The following TRAF3IP1 variants were observed in gnomAD, a reference collection of about 807,000 sequenced individuals.
The protein encoded by TRAF3IP1 is intraflagellar transport 54, also known as TRAF3-interacting protein 1.
Under a neutral mutation model 89.9 loss-of-function variants are expected in TRAF3IP1, and 53 were observed. That is an observed-to-expected ratio of 0.59 (90% CI 0.47 to 0.74). TRAF3IP1 has a LOEUF of 0.74. Ranked by LOEUF, TRAF3IP1 falls within the 30% of genes least tolerant of loss-of-function variation. TRAF3IP1 has a pLI of 0.00. For missense variants in TRAF3IP1, 806 were observed against 866.1 expected, an observed-to-expected ratio of 0.93 and a Z score of 0.87; for synonymous variants, 311 against 322.1, an observed-to-expected ratio of 0.97 and a Z score of 0.37.
chr2:238,377,572 ATAT>A (rs747773377), intron 15 of TRAF3IP1, among the ~76,000 whole-genome samples: 1 of 152,112 alleles, frequency 6.6e-6, no homozygotes, highest in African/African-American at 2.4e-5. Context: ...CAATTATGGT[ATAT>A]TATTATTATT....
chr2:238,394,836 G>A (rs1701139938), intron 15 of TRAF3IP1, among the ~76,000 whole-genome samples: 1 of 152,174 alleles, frequency 6.6e-6, no homozygotes, highest in African/African-American at 2.4e-5. Flanking sequence ...AAATTCTTAG[G>A]CAGAGCTTAT....
chr2:238,332,112 G>A lies in TRAF3IP1; in HGVS notation c.916-712G>A, dbSNP rs1440622282. On this transcript the variant is annotated intron_variant, in intron 5 of 16. Transcript: ENST00000373327. ...TGCAGTGCCCAGCTTGCAGTCATGG[G>A]TAATTACTGCTGATACAATCTGATA... Among the ~76,000 whole-genome samples the A allele has an allele frequency of 2.0e-5, 3 of 152,194 alleles. No homozygotes were observed. In the East Asian group the frequency reaches 5.8e-4, roughly 29 times the overall value.
chr2:238,344,517 A>T lies in TRAF3IP1; in HGVS notation c.1180A>T (p.Asn394Tyr). ...GTCAGGAACAAAAGAAGCTAATATT[A>T]ACTCAACTAGTATTTCAGATGATAA... Reference protein sequence around the residue: ...SEIGTKEANINSTSISDDNSA... With the variant: ...SEIGTKEANIYSTSISDDNSA... Residue 394 changes from asparagine to tyrosine, a missense_variant, in exon 9 of 17, where the codon AAC (asparagine) becomes TAC (tyrosine). Around this residue, in one of 3 missense-constraint regions of TRAF3IP1, gnomAD observed 732 missense variants for 780.5 expected, o/e 0.94. Coordinates refer to ENST00000373327, the MANE Select transcript of TRAF3IP1 (RefSeq NM_015650.4). 6.2e-7 allele frequency: 1 copy of T among 1,614,120 alleles called. No individual in the cohort carries two copies. Among genetic ancestry groups the T allele is most frequent in the Non-Finnish European group, 8.5e-7 (1 of 1,179,970 alleles).
intron 15 of TRAF3IP1, among the ~76,000 whole-genome samples, chr2:238,382,770 T>A (rs1405558064): frequency 2.1e-5 from 2 of 93,598 alleles, no homozygotes; most frequent in South Asian, 7.3e-4. Context: ...TCCCTGCCCC[T>A]CCATCTCTCA....
chr2:238,365,399 C>T (rs748458996), intron 15 of TRAF3IP1, among the ~76,000 whole-genome samples: 1 of 152,128 alleles, frequency 6.6e-6, no homozygotes, highest in Non-Finnish European at 1.5e-5. Flanking sequence ...CGGTGGCCAA[C>T]GTTTGTAATC....
intron 15 of TRAF3IP1, among the ~76,000 whole-genome samples, chr2:238,374,749 C>CG (rs1311314979): frequency 1.3e-5 from 2 of 152,168 alleles, no homozygotes; most frequent in Admixed American, 1.3e-4. Flanking sequence ...GCTCTGAATC[C>CG]GTCTGGTCCT....
At chr2:238,347,572 T>A in intron 10 of TRAF3IP1, 97 bp downstream of exon 10, 1 of 1,209,286 alleles carries the variant, frequency 8.3e-7, no homozygotes, top group East Asian at 2.4e-5. Flanking sequence ...ATAAAGTGCA[T>A]TAGTGAAAGT....
rs567139490 is a variant in TRAF3IP1 at position 238,347,269 on chromosome 2, A to G, written c.1262-186A>G. The G allele has an allele frequency of 4.5e-5, 27 of 606,596 alleles. 1 individual carries two copies. The highest frequency in any genetic ancestry group is 5.5e-5 in the Non-Finnish European group (19 of 343,026). The allele number at this position is 606,596 out of a possible 1,614,324, so 37.6% of individuals were successfully genotyped here. A position where few individuals can be genotyped will look rare whatever the true frequency, so the allele number is the denominator to read the frequency against. ...CAGTTTGTTTGCTCTTTGTTTTTCT[A>G]TCTTTGAAAATAAAACAAAATGGCA... On this transcript the variant is annotated intron_variant, in intron 9 of 16. Transcript: ENST00000373327.
At chr2:238,348,091 T>A (rs1049680359) in intron 10 of TRAF3IP1, among the ~76,000 whole-genome samples, 2 of 152,202 alleles carry the variant, frequency 1.3e-5, no homozygotes, top group African/African-American at 4.8e-5. Context: ...TAAACTTGTC[T>A]TAATAGTTTA....
intron 15 of TRAF3IP1, among the ~76,000 whole-genome samples, chr2:238,386,821 G>C (rs977645835): frequency 4.6e-5 from 7 of 151,938 alleles, no homozygotes; most frequent in Non-Finnish European, 7.3e-5. Context: ...CTCATGCCAA[G>C]CTCACTTACG....
At chr2:238,372,343 A>T (rs920257464) in intron 15 of TRAF3IP1, among the ~76,000 whole-genome samples, 1 of 151,530 alleles carries the variant, frequency 6.6e-6, no homozygotes, top group Non-Finnish European at 1.5e-5. Flanking sequence ...ATGTGTTCTC[A>T]TTGTTCAACT....
At chr2:238,367,163 CAA>C (rs33964253) in intron 15 of TRAF3IP1, among the ~76,000 whole-genome samples, 7 of 36,160 alleles carry the variant, frequency 1.9e-4, no homozygotes, top group Non-Finnish European at 2.6e-4. Context: ...GACTCTGTCT[CAA>C]AAAAAAAAAA....
intron 15 of TRAF3IP1, among the ~76,000 whole-genome samples, chr2:238,386,949 A>G (rs1182660457): frequency 6.6e-6 from 1 of 152,240 alleles, no homozygotes; most frequent in Non-Finnish European, 1.5e-5. Flanking sequence ...TTTTTCTCCT[A>G]TAGAAATTTA....
At chr2:238,383,374 A>G (rs1267035083) in intron 15 of TRAF3IP1, among the ~76,000 whole-genome samples, 1 of 152,208 alleles carries the variant, frequency 6.6e-6, no homozygotes, top group Non-Finnish European at 1.5e-5. Context: ...GTGGCTGCAC[A>G]TAGTGGTGCT....
intron 8 of TRAF3IP1, among the ~76,000 whole-genome samples, chr2:238,341,012 G>A (rs1253277937): frequency 6.6e-6 from 1 of 151,808 alleles, no homozygotes; most frequent in Non-Finnish European, 1.5e-5. Flanking sequence ...TGTGTGCCAC[G>A]ATACCCGGCT....
intron 8 of TRAF3IP1, among the ~76,000 whole-genome samples, chr2:238,340,357 C>G (rs184541855): frequency 6.6e-6 from 1 of 152,142 alleles, no homozygotes; most frequent in African/African-American, 2.4e-5. Flanking sequence ...CTTAGTGCTT[C>G]GAAGAAAAGT....
chr2:238,372,110 A>G (rs903101339), intron 15 of TRAF3IP1, among the ~76,000 whole-genome samples: 10 of 152,150 alleles, frequency 6.6e-5, no homozygotes, highest in Non-Finnish European at 1.0e-4. Flanking sequence ...ACATTCATTT[A>G]AAAGTTTTTT....
intron 15 of TRAF3IP1, among the ~76,000 whole-genome samples, chr2:238,369,657 G>A (rs1700025260): frequency 6.6e-6 from 1 of 152,198 alleles, no homozygotes; most frequent in Non-Finnish European, 1.5e-5. Context: ...AGTGGTTCAA[G>A]GTTTCAGATT....
chr2:238,370,023 G>T (rs986500816), intron 15 of TRAF3IP1, among the ~76,000 whole-genome samples: 4 of 152,086 alleles, frequency 2.6e-5, no homozygotes, highest in African/African-American at 9.7e-5. Flanking sequence ...TTCTTTCCCT[G>T]CTCCAGCCCC....
Sources: gnomAD v4.1 joint callset for allele counts (sites outside exome capture counted in the v4.1 genomes callset) on GRCh38, gnomAD v4.1.1 for gene constraint, gnomAD v4.1.1 regional missense constraint, MANE v1.5 for transcripts, NCBI Gene and HGNC (gene_info 2026-07-23, HGNC 2026-07-21) for gene names.